The following ADCY9 variants were observed in gnomAD, a reference collection of about 807,000 sequenced individuals.
The protein encoded by ADCY9 is adenylate cyclase type 9.
ADCY9 carries 50 observed loss-of-function variants against 101.5 expected under a neutral mutation model. The observed-to-expected ratio is 0.49, with a 90% confidence interval of 0.39 to 0.62. The LOEUF (loss-of-function observed/expected upper bound fraction) is 0.62, where lower values mean the gene tolerates loss of function less well. Ranked by LOEUF, ADCY9 falls within the 20% of genes least tolerant of loss-of-function variation. The pLI is 0.00. For missense variants in ADCY9, 1,662 were observed against 1,800.4 expected (o/e 0.92, Z 1.39); for synonymous variants, 905 against 769.3 (o/e 1.18, Z -2.92).
Position 4,115,432 on chromosome 16 carries a change from G to T in ADCY9, c.11C>A (p.Pro4Gln). The T allele has an allele frequency of 6.5e-7, 1 of 1,548,028 alleles. No individual in the cohort carries two copies. Among genetic ancestry groups the T allele is most frequent in the Non-Finnish European group, 8.7e-7 (1 of 1,146,158 alleles). Residue 4 changes from proline to glutamine, a missense_variant, in exon 2 of 11, where the codon CCA (proline) becomes CAA (glutamine). By Grantham distance (76) the Pro-to-Gln change is moderately conservative. Transcript: ENST00000294016. This position sits in a 1 kb window ranked among gnomAD's most constrained non-coding sequence, Gnocchi z 6.2. ...GTGATGCAGCAGCTGCTGGTGGGGT[G>T]GGGAAGCCATGTTGTCGAGTCCCGG... MAS[P>Q]PHQQLLHHHS...
chr16:3,982,274 C>G (rs1398637012), intron 7 of ADCY9: 1 of 152,512 alleles, frequency 6.6e-6, no homozygotes, highest in East Asian at 1.9e-4. Context: ...CGGCGCCTCA[C>G]GCCAGACTCA....
chr16:4,060,065 G>A (rs2056765089), intron 2 of ADCY9, among the ~76,000 whole-genome samples: 1 of 152,192 alleles, frequency 6.6e-6, no homozygotes, highest in African/African-American at 2.4e-5. Context: ...CTCCACTGCT[G>A]GAGGGGTTGA....
rs201524131 is a variant in ADCY9, at chr16:3,988,990, G to A, written c.2310+4C>T. 1.7e-5 allele frequency: 28 copies of A among 1,606,128 alleles called. No individual in the cohort carries two copies. Among genetic ancestry groups the A allele is most frequent in the East Asian group, 2.2e-5 (1 of 44,786 alleles). ...AGTAAAAGCGCAAGGAGAAATGAAC[G>A]CACCTCTTCCTGATAGCTGGTCCTG... On this transcript the variant is annotated splice_donor_region_variant and intron_variant, in intron 6 of 10. Transcript: ENST00000294016.
At chr16:4,067,612 C>T (rs1354021031) in intron 2 of ADCY9, among the ~76,000 whole-genome samples, 1 of 152,150 alleles carries the variant, frequency 6.6e-6, no homozygotes, top group East Asian at 1.9e-4. Flanking sequence ...GCTCTACCCA[C>T]CCCAGAGAGA....
chr16:4,062,641 C>G (rs1360268306), intron 2 of ADCY9, among the ~76,000 whole-genome samples: 1 of 152,102 alleles, frequency 6.6e-6, no homozygotes, highest in Non-Finnish European at 1.5e-5. Context: ...GATTGTGCCA[C>G]TGCACTCCAG....
intron 2 of ADCY9, among the ~76,000 whole-genome samples, chr16:4,073,413 G>C (rs1399294187): frequency 1.5e-5 from 2 of 130,266 alleles, no homozygotes; most frequent in Non-Finnish European, 3.3e-5. Flanking sequence ...TTTTTTTTTT[G>C]AGACAAAAGT....
chr16:4,115,594 A>G lies in ADCY9; in HGVS notation c.-44+96T>C. ...GGCGGCTCCAGCACGCGACCTGGACAGGCACCATCTGTTCCTGTGGTTCCC... is the reference window on the plus strand; with the variant it reads ...GGCGGCTCCAGCACGCGACCTGGACGGGCACCATCTGTTCCTGTGGTTCCC... On this transcript the variant is annotated intron_variant, in intron 1 of 10. Coordinates refer to ENST00000294016, the MANE Select transcript of ADCY9 (RefSeq NM_001116.4). The surrounding 1 kb of genome is among the most constrained non-coding windows in gnomAD (Gnocchi z 6.2). 1.1e-6 allele frequency: 1 copy of G among 909,596 alleles called. No homozygotes were observed. Among genetic ancestry groups the G allele is most frequent in the Non-Finnish European group, 1.6e-6 (1 of 621,698 alleles). 56.3% of individuals were successfully genotyped at this position (909,596 alleles called of 1,614,324 possible).
chr16:4,082,527 T>A (rs554537301), intron 2 of ADCY9, among the ~76,000 whole-genome samples: 1 of 152,282 alleles, frequency 6.6e-6, no homozygotes, highest in African/African-American at 2.4e-5. Flanking sequence ...CTGCTTGGGG[T>A]ATCTCCCTTC....
chr16:4,063,777 C>A (rs2141162756), intron 2 of ADCY9, among the ~76,000 whole-genome samples: 1 of 149,582 alleles, frequency 6.7e-6, no homozygotes, highest in African/African-American at 2.4e-5. Context: ...TAAACTAAAT[C>A]CCAAAAAAAG....
At chr16:3,988,221 G>A (rs535453416) in intron 6 of ADCY9, among the ~76,000 whole-genome samples, 8 of 152,272 alleles carry the variant, frequency 5.3e-5, no homozygotes, top group African/African-American at 1.9e-4. Flanking sequence ...TGGAGGAAGT[G>A]GGATTGGGTG....
At chr16:4,062,928 T>C (rs978898151) in intron 2 of ADCY9, among the ~76,000 whole-genome samples, 1 of 152,144 alleles carries the variant, frequency 6.6e-6, no homozygotes, top group African/African-American at 2.4e-5. Flanking sequence ...CTCTCAATAA[T>C]TGACATAATA....
Position 4,046,165 on chromosome 16 carries a change from G to A in ADCY9, c.1694-38607C>T, listed in dbSNP as rs143122197. ...GGCACCAGGTCTGAATTTGTGATTC[G>A]TGTTAATGACGAACCTGAGCTGAGC... On this transcript the variant is annotated intron_variant, in intron 2 of 10. Transcript: ENST00000294016. 3.5e-3 allele frequency among the ~76,000 whole-genome samples: 527 copies of A among 152,166 alleles called. 2 individuals carry two copies. The highest frequency in any genetic ancestry group is 0.012 in the African/African-American group (501 of 41,504).
At chr16:3,993,643 T>A in intron 3 of ADCY9, 133 bp from the exon 4 acceptor site, 1 of 1,129,670 alleles carries the variant, frequency 8.9e-7, no homozygotes, top group South Asian at 1.4e-5. Flanking sequence ...ACAGAACCGC[T>A]CGGGGATGAG....
chr16:4,075,999 A>T (rs895207901), intron 2 of ADCY9, among the ~76,000 whole-genome samples: 3 of 152,204 alleles, frequency 2.0e-5, no homozygotes, highest in African/African-American at 4.8e-5. Context: ...TGAGGAGAAA[A>T]GGCAGGCACA....
chr16:4,000,881 T>C (rs1168472116), intron 3 of ADCY9, among the ~76,000 whole-genome samples: 3 of 151,636 alleles, frequency 2.0e-5, no homozygotes, highest in African/African-American at 7.3e-5. Context: ...ATATTTGGCA[T>C]CTGGGGAAAT....
chr16:3,982,319 G>A (rs982830896), intron 7 of ADCY9: 2 of 152,302 alleles, frequency 1.3e-5, no homozygotes, highest in Non-Finnish European at 2.9e-5. Context: ...TGTTGGATAA[G>A]GGCAGCAGAC....
intron 2 of ADCY9, among the ~76,000 whole-genome samples, chr16:4,084,658 C>T (rs116744920): frequency 0.049 from 7,419 of 151,834 alleles, 641 homozygotes; most frequent in African/African-American, 0.17. Context: ...CCTGGGTGGT[C>T]GAGGCTTCAG....
At chr16:4,046,972 T>C (rs186721953) in intron 2 of ADCY9, among the ~76,000 whole-genome samples, 85 of 152,252 alleles carry the variant, frequency 5.6e-4, no homozygotes, top group Non-Finnish European at 8.1e-4. Flanking sequence ...AGTACGCCAC[T>C]GGACTCCAGC....
intron 2 of ADCY9, among the ~76,000 whole-genome samples, chr16:4,054,854 A>ATTACAGGTGTGAGCCC (rs1483359426): frequency 6.6e-6 from 1 of 152,176 alleles, no homozygotes; most frequent in East Asian, 1.9e-4. Context: ...GGTGTGAGCC[A>ATTACAGGTGTGAGCCC]CTGTGCCCAG....
Sources: allele counts gnomAD v4.1 joint callset (sites outside exome capture counted in the v4.1 genomes callset), GRCh38; gene constraint gnomAD v4.1.1; non-coding constraint Gnocchi (gnomAD v3.1); transcripts MANE v1.5; gene names NCBI Gene and HGNC (gene_info 2026-07-23, HGNC 2026-07-21).